The following CNTNAP5 variants were observed in gnomAD, a reference collection of about 807,000 sequenced individuals.
CNTNAP5 encodes contactin associated protein family member 5, also known as contactin-associated protein-like 5.
In CNTNAP5, 72 loss-of-function variants were observed where a neutral mutation model predicts 150.2. The observed-to-expected ratio is 0.48, with a 90% confidence interval of 0.40 to 0.58. The LOEUF is 0.58. Ranked by LOEUF, CNTNAP5 falls within the 20% of genes least tolerant of loss-of-function variation. The pLI, the probability that CNTNAP5 is intolerant of heterozygous loss-of-function variation, is 0.00. For missense variants in CNTNAP5, 1,636 were observed against 1,626.2 expected, an observed-to-expected ratio of 1.01 and a Z score of -0.10; for synonymous variants, 672 against 619.8, an observed-to-expected ratio of 1.08 and a Z score of -1.25.
chr2:124,097,310 A>C (rs1382604631), intron 1 of CNTNAP5, among the ~76,000 whole-genome samples: 2 of 152,174 alleles, frequency 1.3e-5, no homozygotes, highest in South Asian at 2.1e-4. Flanking sequence ...ATTCTAAAGC[A>C]CTGTCACACT....
At chr2:124,251,395 G>A (rs1056698424) in intron 3 of CNTNAP5, among the ~76,000 whole-genome samples, 2 of 151,582 alleles carry the variant, frequency 1.3e-5, no homozygotes, top group African/African-American at 4.8e-5. Flanking sequence ...TTGTAGGAAG[G>A]GAGTATTGGA....
chr2:124,797,012 T>C (rs753431155), intron 18 of CNTNAP5, among the ~76,000 whole-genome samples: 2 of 152,190 alleles, frequency 1.3e-5, no homozygotes, highest in African/African-American at 4.8e-5. Flanking sequence ...TCTATTGGGA[T>C]GGATTCAGGT....
chr2:124,083,317 A>G (rs1399530540), intron 1 of CNTNAP5, among the ~76,000 whole-genome samples: 1 of 152,200 alleles, frequency 6.6e-6, no homozygotes, highest in East Asian at 1.9e-4. Flanking sequence ...GTGCCACTGC[A>G]CTCCAGCCCT....
chr2:124,049,673 C>T (rs117153804), intron 1 of CNTNAP5, among the ~76,000 whole-genome samples: 2,908 of 152,174 alleles, frequency 0.019, 210 homozygotes, highest in Admixed American at 0.14. Context: ...ATACCTACCC[C>T]GATGATTAAG....
chr2:124,547,461 G>A (rs572142193), intron 10 of CNTNAP5, among the ~76,000 whole-genome samples: 3 of 152,270 alleles, frequency 2.0e-5, no homozygotes, highest in African/African-American at 7.2e-5. Flanking sequence ...ATAACAAAGA[G>A]GATTTTCATG....
At chr2:124,264,981 T>C (rs1204993309) in intron 3 of CNTNAP5, among the ~76,000 whole-genome samples, 1 of 152,180 alleles carries the variant, frequency 6.6e-6, no homozygotes, top group African/African-American at 2.4e-5. Context: ...ACATGAAGCG[T>C]CAGTAACACA....
chr2:124,748,885 C>G (rs955080307), intron 14 of CNTNAP5, among the ~76,000 whole-genome samples: 6 of 152,238 alleles, frequency 3.9e-5, no homozygotes, highest in Admixed American at 6.5e-5. Context: ...TATAGTTAAC[C>G]ACAGGTAGAA....
intron 1 of CNTNAP5, among the ~76,000 whole-genome samples, chr2:124,109,626 G>A (rs1196733311): frequency 1.3e-5 from 2 of 152,198 alleles, no homozygotes; most frequent in Non-Finnish European, 1.5e-5. Flanking sequence ...TGGGGACAGG[G>A]CATCTGTCAG....
intron 19 of CNTNAP5, among the ~76,000 whole-genome samples, chr2:124,840,082 A>G (rs938839925): frequency 2.0e-5 from 3 of 152,078 alleles, no homozygotes; most frequent in Admixed American, 2.0e-4. Context: ...AGGAGGGGGA[A>G]TAATAAAGCT....
At chr2:124,853,477 G>A (rs1454308523) in intron 19 of CNTNAP5, among the ~76,000 whole-genome samples, 1 of 152,070 alleles carries the variant, frequency 6.6e-6, no homozygotes, top group African/African-American at 2.4e-5. Flanking sequence ...GGCTGCTAAG[G>A]TTCTCATCCG....
intron 1 of CNTNAP5, among the ~76,000 whole-genome samples, chr2:124,145,479 T>A (rs1684216195): frequency 6.3e-5 from 1 of 15,956 alleles, no homozygotes; most frequent in Non-Finnish European, 1.2e-4. Context: ...AAATGATGAG[T>A]TCATGTCCTT....
chr2:124,226,808 A>C (rs190637443), intron 2 of CNTNAP5, among the ~76,000 whole-genome samples: 36 of 152,242 alleles, frequency 2.4e-4, no homozygotes, highest in Non-Finnish European at 4.3e-4. Flanking sequence ...GGGACTCTGC[A>C]GAGTCTCGAG....
intron 7 of CNTNAP5, among the ~76,000 whole-genome samples, chr2:124,478,859 A>G (rs1693703287): frequency 6.6e-6 from 1 of 152,222 alleles, no homozygotes; most frequent in African/African-American, 2.4e-5. Context: ...CTCATAAATT[A>G]TAAAATGTGT....
At chr2:124,248,064 C>A (rs561056959) in intron 3 of CNTNAP5, among the ~76,000 whole-genome samples, 2 of 152,226 alleles carry the variant, frequency 1.3e-5, no homozygotes, top group South Asian at 4.1e-4. Flanking sequence ...TAATGGAGAC[C>A]ACCAATGCAA....
chr2:124,376,271 G>C (rs961584919), intron 3 of CNTNAP5, among the ~76,000 whole-genome samples: 1 of 152,004 alleles, frequency 6.6e-6, no homozygotes, highest in African/African-American at 2.4e-5. Context: ...TCTCTTTATT[G>C]AAAATCTATA....
At chr2:124,782,220 C>T (rs1041716476) in intron 17 of CNTNAP5, among the ~76,000 whole-genome samples, 3 of 152,104 alleles carry the variant, frequency 2.0e-5, no homozygotes, top group Non-Finnish European at 2.9e-5. Context: ...TCTGCAAAGC[C>T]ACCTTGCTTC....
intron 11 of CNTNAP5, among the ~76,000 whole-genome samples, chr2:124,565,397 C>T (rs1252207557): frequency 6.6e-6 from 1 of 151,984 alleles, no homozygotes; most frequent in Non-Finnish European, 1.5e-5. Context: ...ACCCAATTTT[C>T]TATGAAGTGA....
At chr2:124,517,133 G>A (rs1325660873) in intron 8 of CNTNAP5, among the ~76,000 whole-genome samples, 1 of 152,118 alleles carries the variant, frequency 6.6e-6, no homozygotes, top group East Asian at 1.9e-4. Flanking sequence ...GTGATGGAGT[G>A]CTGTGGTGTT....
chr2:124,908,947 T>G (rs1678597549), intron 22 of CNTNAP5, among the ~76,000 whole-genome samples: 1 of 152,032 alleles, frequency 6.6e-6, no homozygotes, highest in Non-Finnish European at 1.5e-5. Flanking sequence ...TATTTGTGTT[T>G]TAAGTGTTAT....
Sources: allele counts gnomAD v4.1 joint callset (sites outside exome capture counted in the v4.1 genomes callset), GRCh38; gene constraint gnomAD v4.1.1; transcripts MANE v1.5; gene names NCBI Gene and HGNC (gene_info 2026-07-23, HGNC 2026-07-21).